MLLT3: variants seen among roughly 807,000 people sequenced by gnomAD.
MLLT3 encodes the protein protein AF-9.
Under a neutral mutation model 53.2 loss-of-function variants are expected in MLLT3, and 4 were observed. The ratio of observed to expected loss-of-function variants is 0.08; its 90% CI spans 0.04 to 0.17. The LOEUF (loss-of-function observed/expected upper bound fraction) is 0.17. MLLT3 is among the 10% of genes least tolerant of loss of function. The pLI is 1.00. For synonymous variants in MLLT3, 283 were observed against 230.6 expected, an observed-to-expected ratio of 1.23 and a Z score of -2.06; for missense variants, 569 against 684.0, an observed-to-expected ratio of 0.83 and a Z score of 1.87.
chr9:20,356,064 C>T (rs889488555), intron 8 of MLLT3, among the ~76,000 whole-genome samples: 1 of 152,138 alleles, frequency 6.6e-6, no homozygotes, highest in Admixed American at 6.5e-5. Flanking sequence ...CAAGATAAGA[C>T]CCAGATTCCC....
Position 20,460,637 on chromosome 9 carries a change from T to A in MLLT3, c.194-3851A>T, listed in dbSNP as rs142347138. On this transcript the variant is annotated intron_variant, in intron 2 of 10. Transcript: ENST00000380338. The stretch of plus-strand genomic sequence containing the variant: ...AGTCAGCAACCACAATAATTATTCA[T>A]CTTTGCAAGGCCTGACACTACCATT... Among the ~76,000 whole-genome samples, 592 of 152,266 alleles carry A rather than the reference T, an allele frequency of 3.9e-3. 4 individuals carry two copies. Among genetic ancestry groups the A allele is most frequent in the African/African-American group, 0.014 (568 of 41,542 alleles).
chr9:20,487,133 T>C (rs372506561), intron 2 of MLLT3, among the ~76,000 whole-genome samples: 2 of 152,098 alleles, frequency 1.3e-5, no homozygotes, highest in Admixed American at 6.5e-5. Context: ...ATTAGCTAAA[T>C]AAAAAGGTCC....
At chr9:20,599,549 C>G (rs1173591305) in intron 2 of MLLT3, among the ~76,000 whole-genome samples, 1 of 151,692 alleles carries the variant, frequency 6.6e-6, no homozygotes, top group African/African-American at 2.4e-5. Flanking sequence ...TTGTACTAAG[C>G]CAGACTTAGG....
chr9:20,442,953 T>C (rs1300087274), intron 4 of MLLT3, among the ~76,000 whole-genome samples: 3 of 152,276 alleles, frequency 2.0e-5, no homozygotes, highest in African/African-American at 7.2e-5. Context: ...CTGAACAGAA[T>C]TGGATTTCTG....
intron 2 of MLLT3, among the ~76,000 whole-genome samples, chr9:20,533,529 C>T (rs1390623086): frequency 4.6e-5 from 7 of 152,012 alleles, no homozygotes; most frequent in Non-Finnish European, 8.8e-5. Context: ...ATAGAACTAC[C>T]ATATGATCCA....
chr9:20,528,290 AT>A (rs1283559882), intron 2 of MLLT3, among the ~76,000 whole-genome samples: 1 of 152,238 alleles, frequency 6.6e-6, no homozygotes, highest in African/African-American at 2.4e-5. Flanking sequence ...ATTTCAACTT[AT>A]TTTTATAAAA....
intron 5 of MLLT3, among the ~76,000 whole-genome samples, chr9:20,390,649 GGCAAATTGACT>G (rs1388467020): frequency 6.6e-6 from 1 of 152,086 alleles, no homozygotes; most frequent in Non-Finnish European, 1.5e-5. Context: ...CAAGAACTCT[GGCAAATTGACT>G]AACACTCTTC....
intron 2 of MLLT3, among the ~76,000 whole-genome samples, chr9:20,512,977 A>G (rs758456405): frequency 2.0e-5 from 3 of 152,262 alleles, no homozygotes. Flanking sequence ...AACATCCACT[A>G]CACATAAGAC....
rs10757132 is a variant in MLLT3 at position 20,342,558 on chromosome 9, C to T, written c.*3885G>A. The T allele has an allele frequency of 0.42, 93,673 of 220,568 alleles. 27,236 individuals carry two copies. The highest frequency in any genetic ancestry group is 0.84 in the East Asian group (12,583 of 15,068). The allele number at this position is 220,568 out of a possible 1,614,324, so 13.7% of individuals were successfully genotyped here. A position where few individuals can be genotyped will look rare whatever the true frequency, so the allele number is the denominator to read the frequency against. On this transcript the variant is annotated 3_prime_UTR_variant, in exon 11 of 11. Coordinates refer to ENST00000380338, the MANE Select transcript of MLLT3 (RefSeq NM_004529.4). ...ACTGGAGTACAAGTGCCAAAATACA[C>T]ATTTACAGTTTACAGACAGCGGTGG... is the stretch of plus-strand genomic sequence containing the variant.
chr9:20,600,667 A>T (rs620286), intron 2 of MLLT3, among the ~76,000 whole-genome samples: 62,548 of 151,988 alleles, frequency 0.41, 13,483 homozygotes, highest in Middle Eastern at 0.5. Context: ...GAAGCTTCTG[A>T]TCCTTCACAC....
intron 5 of MLLT3, among the ~76,000 whole-genome samples, chr9:20,407,583 A>T (rs796724331): frequency 1.3e-5 from 2 of 152,284 alleles, no homozygotes; most frequent in African/African-American, 4.8e-5. Context: ...CATGTAGCAC[A>T]CCTCTACAAT....
At chr9:20,511,958 A>G (rs539789380) in intron 2 of MLLT3, among the ~76,000 whole-genome samples, 9 of 152,294 alleles carry the variant, frequency 5.9e-5, no homozygotes, top group African/African-American at 2.2e-4. Context: ...ACAGAGTTCT[A>G]AAATAGAAGA....
chr9:20,611,771 T>C (rs1820709241), intron 2 of MLLT3, among the ~76,000 whole-genome samples: 1 of 152,248 alleles, frequency 6.6e-6, no homozygotes, highest in Non-Finnish European at 1.5e-5. Context: ...AATAGCCTTC[T>C]TCAGTCGTCA....
rs539669337 is a variant in MLLT3 at position 20,621,155 on chromosome 9, C to A, written c.13-321G>T. Among the ~76,000 whole-genome samples the A allele has an allele frequency of 6.6e-6, 1 of 152,344 alleles. No individual in the cohort carries two copies. Among genetic ancestry groups the A allele is most frequent in the South Asian group, 2.1e-4 (1 of 4,830 alleles). ...CACTCAGCCACGACAAGCACGACAA[C>A]AAATGCATCGGAAACAAATCAGAAG... On this transcript the variant is annotated intron_variant, in intron 1 of 10. Transcript: ENST00000380338. The surrounding 1 kb of genome is among the most constrained non-coding windows in gnomAD (Gnocchi z 7.0).
At chr9:20,567,995 T>C (rs1016471475) in intron 2 of MLLT3, among the ~76,000 whole-genome samples, 3 of 152,184 alleles carry the variant, frequency 2.0e-5, no homozygotes, top group Admixed American at 6.6e-5. Flanking sequence ...TTGGAGTCCA[T>C]GTTCTGTGGC....
intron 5 of MLLT3, chr9:20,380,173 G>C (rs1821871488): frequency 1.3e-5 from 2 of 152,012 alleles, no homozygotes; most frequent in Admixed American, 6.6e-5. Flanking sequence ...TCACTAAACA[G>C]ATTTTTTTTA....
At chr9:20,520,415 A>C (rs1458323033) in intron 2 of MLLT3, among the ~76,000 whole-genome samples, 3 of 152,158 alleles carry the variant, frequency 2.0e-5, no homozygotes, top group African/African-American at 4.8e-5. Flanking sequence ...AGTCACATAA[A>C]CAGCTCACAA....
At chr9:20,515,037 C>T (rs1205091012) in intron 2 of MLLT3, among the ~76,000 whole-genome samples, 1 of 150,858 alleles carries the variant, frequency 6.6e-6, no homozygotes, top group Non-Finnish European at 1.5e-5. Context: ...ACCTCTGCCT[C>T]CCGGGTTCAG....
intron 2 of MLLT3, among the ~76,000 whole-genome samples, chr9:20,458,080 C>T (rs941854499): frequency 5.9e-5 from 9 of 152,330 alleles, no homozygotes; most frequent in Admixed American, 4.6e-4. Context: ...CCTTCTATCC[C>T]TTCCACCACA....
Sources: gnomAD v4.1 joint callset for allele counts (sites outside exome capture counted in the v4.1 genomes callset) on GRCh38, gnomAD v4.1.1 for gene constraint, Gnocchi (gnomAD v3.1) non-coding constraint, MANE v1.5 for transcripts, NCBI Gene and HGNC (gene_info 2026-07-23, HGNC 2026-07-21) for gene names.